The following TTC13 variants were observed in gnomAD, a reference collection of about 807,000 sequenced individuals.
TTC13 encodes tetratricopeptide repeat domain 13, also known as tetratricopeptide repeat protein 13.
In TTC13, 62 loss-of-function variants were observed where a neutral mutation model predicts 120.0. The ratio of observed to expected loss-of-function variants is 0.52; its 90% CI spans 0.42 to 0.64. TTC13 has a LOEUF of 0.64. TTC13 is among the 30% of genes least tolerant of loss of function. The pLI is 0.00. For synonymous variants in TTC13, 384 were observed against 393.5 expected (o/e 0.98, Z 0.28); for missense variants, 824 against 1,050.2 (o/e 0.78, Z 2.98).
At position 230,933,792 on chromosome 1, in the gene TTC13, C is replaced by A; in HGVS notation, c.970G>T (p.Gly324Trp). The change falls in exon 9 of 23, where the codon GGG becomes TGG. Residue 324 changes from glycine (G) to tryptophan (W), a missense_variant. Transcript: ENST00000366661. ...VDFIDAYKSLGQAYRELGNFE... is the reference protein window; with the variant it reads ...VDFIDAYKSLWQAYRELGNFE... ...TATTTTACTCACCTATATGCCTGCCCTAGACTTTTATATGCATCAATAAAG... is the reference window on the plus strand; with the variant it reads ...TATTTTACTCACCTATATGCCTGCCATAGACTTTTATATGCATCAATAAAG... 3 of 1,606,440 alleles carry A rather than the reference C, an allele frequency of 1.9e-6. No individual in the cohort carries two copies. Among genetic ancestry groups the A allele is most frequent in the Admixed American group, 1.7e-5 (1 of 59,162 alleles).
intron 1 of TTC13, among the ~76,000 whole-genome samples, chr1:230,975,889 G>A (rs946176635): frequency 1.3e-5 from 2 of 152,146 alleles, no homozygotes; most frequent in Non-Finnish European, 2.9e-5. Flanking sequence ...TGCATAGCTG[G>A]GCCAGCCATT....
intron 1 of TTC13, among the ~76,000 whole-genome samples, chr1:230,968,411 G>C (rs565255959): frequency 2.0e-4 from 30 of 151,938 alleles, no homozygotes; most frequent in Non-Finnish European, 4.1e-4. Flanking sequence ...TGCTGTATTA[G>C]GCCTTCTAAT....
intron 1 of TTC13, among the ~76,000 whole-genome samples, chr1:230,967,276 T>C (rs1245966303): frequency 6.6e-6 from 1 of 152,210 alleles, no homozygotes; most frequent in African/African-American, 2.4e-5. Flanking sequence ...AACTGAGATT[T>C]CATCAACTTT....
intron 11 of TTC13, among the ~76,000 whole-genome samples, chr1:230,930,811 G>A (rs529649480): frequency 3.0e-4 from 46 of 152,264 alleles, no homozygotes; most frequent in African/African-American, 9.6e-4. Context: ...CCAGCTACTC[G>A]GGAGGCTGAG....
chr1:230,964,867 T>C (rs889188727), intron 1 of TTC13, among the ~76,000 whole-genome samples: 1 of 152,106 alleles, frequency 6.6e-6, no homozygotes, highest in Non-Finnish European at 1.5e-5. Flanking sequence ...GTGCCAAGAA[T>C]ACACACTGGG....
chr1:230,908,460 G>A, intron 22 of TTC13: 1 of 533,032 alleles, frequency 1.9e-6, no homozygotes. Flanking sequence ...AAAGTGCTGG[G>A]ATTACAGGTA....
At chr1:230,973,893 T>C (rs1418417195) in intron 1 of TTC13, among the ~76,000 whole-genome samples, 1 of 151,946 alleles carries the variant, frequency 6.6e-6, no homozygotes, top group African/African-American at 2.4e-5. Context: ...CTGGCCAACA[T>C]GGTGAAACCC....
intron 4 of TTC13, among the ~76,000 whole-genome samples, chr1:230,946,837 T>G (rs1675046835): frequency 6.6e-6 from 1 of 152,132 alleles, no homozygotes; most frequent in Non-Finnish European, 1.5e-5. Context: ...TATATGTAAC[T>G]GGTATAGAGG....
At chr1:230,939,330 A>G (rs1674345109) in intron 8 of TTC13, 56 bp downstream of exon 8, 2 of 1,120,474 alleles carry the variant, frequency 1.8e-6, no homozygotes, top group Admixed American at 2.0e-5. Flanking sequence ...AATTCCTCCC[A>G]CCCACAAAAG....
chr1:230,958,454 T>C (rs1220271541), intron 2 of TTC13, among the ~76,000 whole-genome samples, 155 bp from the exon 3 acceptor site: 1 of 152,224 alleles, frequency 6.6e-6, no homozygotes, highest in Non-Finnish European at 1.5e-5. Context: ...TTTTACACTT[T>C]ATGGCTTTCA....
intron 1 of TTC13, among the ~76,000 whole-genome samples, chr1:230,965,784 C>T (rs1231863387): frequency 6.6e-6 from 1 of 152,050 alleles, no homozygotes; most frequent in Non-Finnish European, 1.5e-5. Flanking sequence ...TAGCTGGGAA[C>T]ACAGGCATGC....
intron 1 of TTC13, among the ~76,000 whole-genome samples, chr1:230,968,360 A>G (rs1572294867): frequency 6.6e-6 from 1 of 152,002 alleles, no homozygotes; most frequent in Non-Finnish European, 1.5e-5. Flanking sequence ...CTATTTCTCA[A>G]TTCCACTGCT....
At chr1:230,961,815 T>C (rs1323350875) in intron 1 of TTC13, among the ~76,000 whole-genome samples, 2 of 152,122 alleles carry the variant, frequency 1.3e-5, no homozygotes, top group African/African-American at 4.8e-5. Flanking sequence ...AATATTGTTG[T>C]TGAGATCCTT....
chr1:230,925,957 G>C (rs1054944403), intron 12 of TTC13, among the ~76,000 whole-genome samples: 10 of 152,082 alleles, frequency 6.6e-5, no homozygotes, highest in Non-Finnish European at 1.2e-4. Flanking sequence ...TTCCTGAATG[G>C]ACTGCCTTTT....
intron 12 of TTC13, among the ~76,000 whole-genome samples, chr1:230,928,233 A>G (rs1017265600): frequency 5.3e-5 from 8 of 152,274 alleles, no homozygotes; most frequent in Non-Finnish European, 4.4e-5. Context: ...ATGGCCTACT[A>G]ATGTTACTGA....
intron 4 of TTC13, among the ~76,000 whole-genome samples, chr1:230,951,620 T>C (rs1048799175): frequency 2.0e-5 from 3 of 152,184 alleles, no homozygotes; most frequent in African/African-American, 7.2e-5. Context: ...TAGAGCAACA[T>C]CTGTGTAGGC....
intron 1 of TTC13, among the ~76,000 whole-genome samples, chr1:230,962,353 A>G (rs12041215): frequency 0.27 from 40,569 of 152,066 alleles, 5,790 homozygotes; most frequent in South Asian, 0.39. Flanking sequence ...GCTCAACATC[A>G]TTACTAATTA....
chr1:230,966,202 A>G (rs1422448359), intron 1 of TTC13, among the ~76,000 whole-genome samples: 1 of 152,128 alleles, frequency 6.6e-6, no homozygotes, highest in East Asian at 1.9e-4. Context: ...GTAGAGGGTG[A>G]TATTTTGATT....
At chr1:230,922,799 T>C (rs1004346312) in intron 15 of TTC13, among the ~76,000 whole-genome samples, 3 of 152,340 alleles carry the variant, frequency 2.0e-5, no homozygotes, top group Middle Eastern at 3.4e-3. Flanking sequence ...TGCATAGTAG[T>C]TGTCTGCTGG....
Sources: allele counts gnomAD v4.1 joint callset (sites outside exome capture counted in the v4.1 genomes callset), GRCh38; gene constraint gnomAD v4.1.1; transcripts MANE v1.5; gene names NCBI Gene and HGNC (gene_info 2026-07-23, HGNC 2026-07-21).